Variants in NUBPL observed in about 807,000 individuals in gnomAD.
NUBPL encodes the protein iron-sulfur cluster transfer protein NUBPL.
NUBPL carries 31 observed loss-of-function variants against 45.7 expected under a neutral mutation model. The observed-to-expected ratio is 0.68, with a 90% CI of 0.51 to 0.92. NUBPL has a LOEUF of 0.92. NUBPL is among the 40% of genes least tolerant of loss of function. NUBPL has a pLI of 0.00. For missense variants in NUBPL, 401 were observed against 398.7 expected (o/e 1.01, Z -0.05); for synonymous variants, 144 against 140.9 (o/e 1.02, Z -0.15).
intron 9 of NUBPL, among the ~76,000 whole-genome samples, chr14:31,847,518 T>G (rs1328703955): frequency 6.6e-6 from 1 of 152,140 alleles, no homozygotes; most frequent in Non-Finnish European, 1.5e-5. Context: ...AAAACACAGG[T>G]TTTGGATAAA....
At chr14:31,712,531 C>T (rs149754119) in intron 6 of NUBPL, among the ~76,000 whole-genome samples, 29 of 152,352 alleles carry the variant, frequency 1.9e-4, no homozygotes, top group African/African-American at 6.5e-4. Flanking sequence ...CACCTCCCTG[C>T]GAGCAGAGGG....
At chr14:31,849,937 A>G in intron 9 of NUBPL, 182 bp from the exon 10 acceptor site, 1 of 631,290 alleles carries the variant, frequency 1.6e-6, no homozygotes, top group Non-Finnish European at 2.8e-6. Flanking sequence ...CTACTCTAAA[A>G]TAGAGTATCT....
intron 6 of NUBPL, among the ~76,000 whole-genome samples, chr14:31,676,678 A>T (rs2036706838): frequency 6.6e-6 from 1 of 151,762 alleles, no homozygotes; most frequent in African/African-American, 2.4e-5. Flanking sequence ...AATAATATTG[A>T]GCCCTTTTCC....
In NUBPL at chr14:31,591,311, G is replaced by A. The variant is rs1281447546; in HGVS notation, c.292-7978G>A. On this transcript the variant is annotated intron_variant, in intron 3 of 10. Coordinates refer to ENST00000281081, the MANE Select transcript of NUBPL (RefSeq NM_025152.3). Reference sequence around the variant, plus strand: ...CCAAGTAGCTAGGATTACAGGTGCCGCCACCATGCCTGGCTAATTTTTGTA... The same window carrying A: ...CCAAGTAGCTAGGATTACAGGTGCCACCACCATGCCTGGCTAATTTTTGTA... Among the ~76,000 whole-genome samples the A allele has an allele frequency of 3.3e-5, 5 of 152,108 alleles. No individual in the cohort carries two copies. The East Asian group carries it at 7.7e-4, about 24-fold the overall frequency.
chr14:31,704,301 G>A (rs1328396981), intron 6 of NUBPL, among the ~76,000 whole-genome samples: 3 of 152,118 alleles, frequency 2.0e-5, no homozygotes, highest in Admixed American at 1.3e-4. Context: ...TGCCTCTTGG[G>A]TATTGAGAGA....
chr14:31,751,551 G>GGGGT (rs757503459), intron 6 of NUBPL, among the ~76,000 whole-genome samples: 2 of 152,360 alleles, frequency 1.3e-5, no homozygotes, highest in East Asian at 3.9e-4. Flanking sequence ...GCTGATGCAA[G>GGGGT]GGGTGGGCTT....
At chr14:31,669,800 T>G (rs1228497292) in intron 4 of NUBPL, among the ~76,000 whole-genome samples, 2 of 52,944 alleles carry the variant, frequency 3.8e-5, no homozygotes, top group Non-Finnish European at 7.4e-5. Flanking sequence ...GATCTTGGTT[T>G]TTTTTTTTGT....
At chr14:31,738,549 C>G (rs979133294) in intron 6 of NUBPL, among the ~76,000 whole-genome samples, 3 of 152,024 alleles carry the variant, frequency 2.0e-5, no homozygotes, top group African/African-American at 7.3e-5. Context: ...ATTTTTTATA[C>G]CAAAAGACAA....
intron 7 of NUBPL, among the ~76,000 whole-genome samples, chr14:31,811,905 T>C (rs1204379289): frequency 6.6e-6 from 1 of 152,224 alleles, no homozygotes; most frequent in Admixed American, 6.5e-5. Flanking sequence ...TTGATTTTGC[T>C]AGAAGTCCAC....
chr14:31,609,205 A>G (rs566456972), intron 4 of NUBPL, among the ~76,000 whole-genome samples: 1 of 152,318 alleles, frequency 6.6e-6, no homozygotes, highest in East Asian at 1.9e-4. Flanking sequence ...AGACACACAT[A>G]GACTGAAAAT....
chr14:31,825,489 T>G (rs2040081957), intron 7 of NUBPL, among the ~76,000 whole-genome samples: 1 of 151,758 alleles, frequency 6.6e-6, no homozygotes, highest in African/African-American at 2.4e-5. Flanking sequence ...TTCTTGTTCT[T>G]TCTTCTCCTC....
At chr14:31,599,414 T>C (rs748239635) in intron 4 of NUBPL, 35 bp downstream of exon 4, 13 of 1,446,258 alleles carry the variant, frequency 9.0e-6, no homozygotes, top group Non-Finnish European at 1.3e-5. Context: ...ATAATAATAG[T>C]TGCACTTTTA....
chr14:31,673,719 A>G, intron 6 of NUBPL, 145 bp downstream of exon 6: 1 of 742,740 alleles, frequency 1.3e-6, no homozygotes, highest in Non-Finnish European at 2.4e-6. Flanking sequence ...TAATGAGTTA[A>G]TGTGATGCCA....
chr14:31,762,004 A>C (rs946698300), intron 6 of NUBPL, among the ~76,000 whole-genome samples: 1 of 152,192 alleles, frequency 6.6e-6, no homozygotes, highest in East Asian at 1.9e-4. Context: ...CAGTTTTATA[A>C]ATAATTTTTC....
chr14:31,753,097 C>T (rs1334242668), intron 6 of NUBPL, among the ~76,000 whole-genome samples: 1 of 152,216 alleles, frequency 6.6e-6, no homozygotes, highest in East Asian at 1.9e-4. Context: ...CAAACCATAT[C>T]ACAGCGTCAG....
intron 6 of NUBPL, among the ~76,000 whole-genome samples, chr14:31,697,533 A>C (rs778358182): frequency 1.3e-5 from 2 of 152,212 alleles, no homozygotes; most frequent in Non-Finnish European, 2.9e-5. Flanking sequence ...ATTTTGTGTT[A>C]ATCAATATTT....
At chr14:31,581,710 A>T (rs1265328150) in intron 3 of NUBPL, among the ~76,000 whole-genome samples, 1 of 152,232 alleles carries the variant, frequency 6.6e-6, no homozygotes, top group Non-Finnish European at 1.5e-5. Flanking sequence ...CGCGTGATAG[A>T]CACCCAGGTG....
intron 7 of NUBPL, among the ~76,000 whole-genome samples, chr14:31,790,885 G>C (rs1028903387): frequency 6.6e-6 from 1 of 152,062 alleles, no homozygotes; most frequent in Non-Finnish European, 1.5e-5. Flanking sequence ...ACTCTCAATG[G>C]ATCCTCCATT....
chr14:31,627,230 T>A (rs552933001), intron 4 of NUBPL, among the ~76,000 whole-genome samples: 142 of 151,610 alleles, frequency 9.4e-4, no homozygotes, highest in African/African-American at 1.7e-3. Context: ...CTTTACTTTT[T>A]AAAAAAAAAC....
Sources: allele counts gnomAD v4.1 joint callset (sites outside exome capture counted in the v4.1 genomes callset), GRCh38; gene constraint gnomAD v4.1.1; transcripts MANE v1.5; gene names NCBI Gene and HGNC (gene_info 2026-07-23, HGNC 2026-07-21).